FALEC: variants seen among roughly 807,000 people sequenced by gnomAD.
The protein encoded by FALEC is focally amplified lncRNA regulator of ECM1, also known as focally amplified lncRNA on chromosome 1.
downstream of FALEC, among the ~76,000 whole-genome samples, chr1:150,522,372 C>T (rs587644017): frequency 2.6e-5 from 4 of 152,252 alleles, no homozygotes; most frequent in African/African-American, 9.6e-5. Flanking sequence ...CCTGTAATCC[C>T]AGCACTTTGG....
intron 1 of FALEC, among the ~76,000 whole-genome samples, chr1:150,517,506 G>C (rs1670583066): frequency 6.6e-6 from 1 of 152,124 alleles, no homozygotes; most frequent in Non-Finnish European, 1.5e-5. Context: ...CAGTGTGATG[G>C]TATTAGGAGG....
At chr1:150,522,139 C>T (rs587662638), downstream of FALEC, among the ~76,000 whole-genome samples, 1 of 151,512 alleles carries the variant, frequency 6.6e-6, no homozygotes, top group South Asian at 2.1e-4. Context: ...CCCAGCTACT[C>T]TGGAGGTGGA....
chr1:150,535,229 C>T, the FALEC span, among the ~76,000 whole-genome samples: 1 of 152,058 alleles, frequency 6.6e-6, no homozygotes, highest in African/African-American at 2.4e-5. Flanking sequence ...TATTTTTATG[C>T]CAAATCTTCT....
the FALEC span, among the ~76,000 whole-genome samples, chr1:150,524,101 G>A: frequency 3.3e-5 from 5 of 152,150 alleles, no homozygotes; most frequent in African/African-American, 1.2e-4. Context: ...AACTATAAGA[G>A]AATAAATGAC....
intron 1 of FALEC, among the ~76,000 whole-genome samples, chr1:150,517,274 G>A (rs965824085): frequency 3.4e-5 from 5 of 148,478 alleles, no homozygotes; most frequent in African/African-American, 1.3e-4. Context: ...TCCAGCCTGG[G>A]TGACAGAGCC....
the FALEC span, among the ~76,000 whole-genome samples, chr1:150,531,489 A>T: frequency 1.3e-5 from 2 of 152,150 alleles, no homozygotes; most frequent in African/African-American, 2.4e-5. Flanking sequence ...AAAAAAAAAA[A>T]TACAACTCTC....
the FALEC span, among the ~76,000 whole-genome samples, chr1:150,528,583 A>ATTT: frequency 4.3e-5 from 6 of 140,888 alleles, no homozygotes; most frequent in African/African-American, 1.6e-4. Flanking sequence ...ATTACTATTA[A>ATTT]TTTTTTTTTT....
chr1:150,519,035 G>A (rs938093645), downstream of FALEC, among the ~76,000 whole-genome samples: 17 of 152,024 alleles, frequency 1.1e-4, no homozygotes, highest in African/African-American at 3.9e-4. Context: ...CAGCCTGGGC[G>A]ACAAGAGTGA....
chr1:150,523,034 A>G, the FALEC span, among the ~76,000 whole-genome samples: 443 of 114,358 alleles, frequency 3.9e-3, 1 homozygote, highest in Non-Finnish European at 6.1e-3. Context: ...CCCAGGCTGG[A>G]TGGAGTGCAG....
the FALEC span, among the ~76,000 whole-genome samples, chr1:150,534,861 G>A: frequency 7.1e-6 from 1 of 139,968 alleles, no homozygotes; most frequent in African/African-American, 2.6e-5. Flanking sequence ...AAAAAAAAAT[G>A]TCCTCTCTAA....
downstream of FALEC, among the ~76,000 whole-genome samples, chr1:150,522,256 AAAAAG>A (rs1670652907): frequency 6.6e-6 from 1 of 150,806 alleles, no homozygotes; most frequent in African/African-American, 2.4e-5. Flanking sequence ...AAAAAAAAAA[AAAAAG>A]AAAGAAAGAA....
intron 1 of FALEC, among the ~76,000 whole-genome samples, chr1:150,516,939 G>C (rs1670576942): frequency 6.6e-6 from 1 of 152,150 alleles, no homozygotes; most frequent in Non-Finnish European, 1.5e-5. Context: ...TTCTGAGACA[G>C]CCACCTAGCC....
At chr1:150,517,901 TGTCAAAA>T (rs1329238448) in exon 2 of FALEC, 1 of 152,174 alleles carries the variant, frequency 6.6e-6, no homozygotes, top group Non-Finnish European at 1.5e-5. Context: ...AAACGGAAGG[TGTCAAAA>T]GTCAAATTCT....
the FALEC span, among the ~76,000 whole-genome samples, chr1:150,524,778 C>T: frequency 6.6e-6 from 1 of 152,096 alleles, no homozygotes. Flanking sequence ...CTTTGGGAGG[C>T]CCAGGCAGGA....
chr1:150,523,462 C>G, the FALEC span, among the ~76,000 whole-genome samples: 14 of 151,304 alleles, frequency 9.3e-5, 1 homozygote, highest in South Asian at 2.9e-3. Context: ...CGAGACCAGC[C>G]TGACCAACAT....
chr1:150,529,460 A>C, the FALEC span, among the ~76,000 whole-genome samples: 1 of 152,250 alleles, frequency 6.6e-6, no homozygotes, highest in Non-Finnish European at 1.5e-5. Flanking sequence ...CTTGTCCCCA[A>C]AATGAAACCT....
chr1:150,524,155 T>A, the FALEC span, among the ~76,000 whole-genome samples: 1 of 152,210 alleles, frequency 6.6e-6, no homozygotes, highest in Non-Finnish European at 1.5e-5. Flanking sequence ...TTTTTTATTT[T>A]TAATTTTTTT....
At chr1:150,531,997 C>T in the FALEC span, among the ~76,000 whole-genome samples, 4 of 152,338 alleles carry the variant, frequency 2.6e-5, no homozygotes, top group East Asian at 1.9e-4. Context: ...CTCCGCCTCC[C>T]GGGTTCACGC....
At chr1:150,534,864 C>G in the FALEC span, among the ~76,000 whole-genome samples, 1 of 149,878 alleles carries the variant, frequency 6.7e-6, no homozygotes, top group Non-Finnish European at 1.5e-5. Flanking sequence ...AAAAAATGTC[C>G]TCTCTAACTC....
Sources: allele counts gnomAD v4.1 joint callset (sites outside exome capture counted in the v4.1 genomes callset), GRCh38; gene constraint gnomAD v4.1.1; transcripts MANE v1.5; gene names NCBI Gene and HGNC (gene_info 2026-07-23, HGNC 2026-07-21).